The following CELSR1 variants were observed in gnomAD, a reference collection of about 807,000 sequenced individuals.
The protein encoded by CELSR1 is adhesion G protein-coupled receptor C1.
A neutral mutation model predicts 249.1 loss-of-function variants in CELSR1; 110 were observed. The ratio of observed to expected loss-of-function variants is 0.44; its 90% CI spans 0.38 to 0.52. The LOEUF is 0.52. CELSR1 is among the 20% of genes least tolerant of loss of function. CELSR1 has a pLI of 0.00. For missense variants in CELSR1, 4,109 were observed against 4,296.4 expected (o/e 0.96, Z 1.22); for synonymous variants, 2,113 against 1,900.0 (o/e 1.11, Z -2.92).
intron 5 of CELSR1, among the ~76,000 whole-genome samples, chr22:46,426,147 GGAGGGGGCT>G (rs2079535494): frequency 6.6e-6 from 1 of 152,258 alleles, no homozygotes; most frequent in African/African-American, 2.4e-5. Flanking sequence ...GCGCAGCCGG[GGAGGGGGCT>G]GAGTGAAGCT....
Position 46,378,706 on chromosome 22 carries a change from G to A in CELSR1, c.7268C>T (p.Thr2423Met), listed in dbSNP as rs551678757. ...GCAGCCCCGGGCAGACCACCCTCCCGTCCCACCAACGCTGCGGAGAGGACA... is the reference window on the plus strand; with the variant it reads ...GCAGCCCCGGGCAGACCACCCTCCCATCCCACCAACGCTGCGGAGAGGACA... ...FWNHSLAVGG[T>M]GGWSARGCEL... The change falls in exon 23 of 35, where the codon ACG (threonine) becomes ATG (methionine). Residue 2423 changes from threonine (T) to methionine (M), a missense_variant. Transcript: ENST00000674500. The A allele has an allele frequency of 1.1e-5, 18 of 1,612,572 alleles. No homozygotes were observed. The highest frequency in any genetic ancestry group is 8.0e-5 in the African/African-American group (6 of 75,046).
At chr22:46,477,026 C>T (rs774042666) in intron 1 of CELSR1, among the ~76,000 whole-genome samples, 2 of 152,068 alleles carry the variant, frequency 1.3e-5, no homozygotes, top group Non-Finnish European at 2.9e-5. Context: ...AAGGAGAAAG[C>T]GATTCTAAAG....
intron 19 of CELSR1, 87 bp from the exon 20 acceptor site, chr22:46,384,773 T>C: frequency 1.5e-6 from 2 of 1,367,604 alleles, no homozygotes; most frequent in Non-Finnish European, 2.0e-6. Flanking sequence ...ACTGTCACAC[T>C]GACGCTGGCT....
chr22:46,389,820 G>A (rs1051068675), intron 17 of CELSR1, among the ~76,000 whole-genome samples: 3 of 152,058 alleles, frequency 2.0e-5, no homozygotes, highest in African/African-American at 7.2e-5. Context: ...AGGGTGTGGT[G>A]GTGGGCACCT....
Position 46,407,694 on chromosome 22 carries a change from T to C in CELSR1, c.5226+1302A>G, listed in dbSNP as rs148246478. ...GATGAAGGAAGGAATAACTCAGTTA[T>C]GAATCTGTCAAATCAAGACAGAGCG... On this transcript the variant is annotated intron_variant, in intron 9 of 34. Coordinates refer to ENST00000674500, the MANE Select transcript of CELSR1 (RefSeq NM_001378328.1). The surrounding 1 kb of genome is among the most constrained non-coding windows in gnomAD (Gnocchi z 4.8). Among the ~76,000 whole-genome samples, 187 of 152,152 alleles carry C rather than the reference T, an allele frequency of 1.2e-3. 1 individual carries two copies. The highest frequency in any genetic ancestry group is 4.3e-3 in the African/African-American group (179 of 41,512).
rs368033776 is a variant in CELSR1, at chr22:46,408,982, G to A, written c.5226+14C>T. 33 of 1,591,962 alleles carry A rather than the reference G, an allele frequency of 2.1e-5. No individual in the cohort carries two copies. The highest frequency in any genetic ancestry group is 2.7e-5 in the African/African-American group (2 of 74,034). The stretch of plus-strand genomic sequence containing the variant: ...CACCTAGCAGGTGCCTTGGTGGCAC[G>A]GGGCCCCAGTCACCTGGAGGCGAAA... On this transcript the variant is annotated intron_variant, in intron 9 of 34. Coordinates refer to ENST00000674500, the MANE Select transcript of CELSR1 (RefSeq NM_001378328.1). The surrounding 1 kb of genome is among the most constrained non-coding windows in gnomAD (Gnocchi z 4.6).
At chr22:46,388,788 A>G (rs2079057681) in intron 18 of CELSR1, among the ~76,000 whole-genome samples, 1 of 152,100 alleles carries the variant, frequency 6.6e-6, no homozygotes, top group African/African-American at 2.4e-5. Flanking sequence ...ACACACAGCC[A>G]GAGGGTTGAG....
intron 1 of CELSR1, among the ~76,000 whole-genome samples, chr22:46,515,971 G>T (rs950878767): frequency 6.6e-6 from 1 of 152,232 alleles, no homozygotes; most frequent in East Asian, 1.9e-4. Context: ...GTACTGGAGA[G>T]AATGTGGAGA....
In CELSR1 at chr22:46,396,488, T is replaced by C. The variant is rs551370138; in HGVS notation, c.5843+117A>G. The C allele has an allele frequency of 1.2e-4, 127 of 1,102,524 alleles. No homozygotes were observed. In the African/African-American group the frequency reaches 1.9e-3, roughly 16 times the overall value. 68.3% of individuals were successfully genotyped at this position (1,102,524 alleles called of 1,614,324 possible). ...GCCAAATTAAAAAAAAATATGTCCC[T>C]GTTACCCAGAATCACACATATCTTT... On this transcript the variant is annotated intron_variant, in intron 13 of 34. Transcript: ENST00000674500. This position sits in a 1 kb window ranked among gnomAD's most constrained non-coding sequence, Gnocchi z 6.4.
At position 46,535,485 on chromosome 22, in the gene CELSR1, C is replaced by T. The variant is rs765104429; in HGVS notation, c.1686G>A (p.Glu562=). 28 of 1,611,886 alleles carry T rather than the reference C, an allele frequency of 1.7e-5. No individual in the cohort carries two copies. The highest frequency in any genetic ancestry group is 1.8e-5 in the Non-Finnish European group (21 of 1,179,446). ...GGAAGGGGCTGCTCACAAAGATAGGCTCGTTGTCGTTGACATCCAGCACCT... is the reference window on the plus strand; with the variant it reads ...GGAAGGGGCTGCTCACAAAGATAGGTTCGTTGTCGTTGACATCCAGCACCT... ...SVQVLDVNDN[E]PIFVSSPFQA... Residue 562 remains glutamate (E), a synonymous_variant, in exon 1 of 35, where the codon GAG becomes GAA. Coordinates refer to ENST00000674500, the MANE Select transcript of CELSR1 (RefSeq NM_001378328.1).
rs761007560 is a variant in CELSR1 at position 46,439,284 on chromosome 22, C to T, written c.4311G>A (p.Arg1437=). 1.9e-6 allele frequency: 3 copies of T among 1,614,074 alleles called. No homozygotes were observed. Among genetic ancestry groups the T allele is most frequent in the South Asian group, 1.1e-5 (1 of 91,076 alleles). The change falls in exon 3 of 35, where the codon AGG becomes AGA. Residue 1437 remains arginine, a synonymous_variant. Coordinates refer to ENST00000674500, the MANE Select transcript of CELSR1 (RefSeq NM_001378328.1). ...TCCTGGTGGTCACCTCACAGTAGGG[C>T]CTCTCATACTCGCCAGGAGGACACA... ...HCVCPPGEYE[R]PYCEVTTRSF... is the part of the protein sequence containing the mutation.
Position 46,398,459 on chromosome 22 carries a change from G to A in CELSR1, c.5526+65C>T. 8.5e-7 allele frequency: 1 copy of A among 1,182,874 alleles called. No individual in the cohort carries two copies. Among genetic ancestry groups the A allele is most frequent in the South Asian group, 1.4e-5 (1 of 71,142 alleles). 73.3% of individuals were successfully genotyped at this position (1,182,874 alleles called of 1,614,324 possible). A position where few individuals can be genotyped will look rare whatever the true frequency, so the allele number is the denominator to read the frequency against. ...GTTGACCAACGGAACCACCTATGGT[G>A]CTGCCAGCCTCGGAGCTGCCTGTGA... On this transcript the variant is annotated intron_variant, in intron 11 of 34. Transcript: ENST00000674500. The surrounding 1 kb of genome is among the most constrained non-coding windows in gnomAD (Gnocchi z 7.2).
Position 46,534,392 on chromosome 22 carries a change from G to A in CELSR1, c.2779C>T (p.Leu927=). 1 of 1,612,888 alleles carries A rather than the reference G, an allele frequency of 6.2e-7. No homozygotes were observed. The highest frequency in any genetic ancestry group is 8.5e-7 in the Non-Finnish European group (1 of 1,180,036). Residue 927 remains leucine (L), a synonymous_variant, in exon 1 of 35, where the codon CTG becomes TTG. Transcript: ENST00000674500. This position sits in a 1 kb window ranked among gnomAD's most constrained non-coding sequence, Gnocchi z 9.7. ...TCCCCACCCTGGAAGGTGTACAGCA[G>A]ACGCCCATTGGGACCTGAGTCCCGG... ...TDRDSGPNGR[L]LYTFQGGDDG...
At chr22:46,467,379 G>A (rs926121851) in intron 1 of CELSR1, among the ~76,000 whole-genome samples, 1 of 152,070 alleles carries the variant, frequency 6.6e-6, no homozygotes, top group South Asian at 2.1e-4. Context: ...AATTAGAGAA[G>A]CCACACAATG....
intron 2 of CELSR1, among the ~76,000 whole-genome samples, chr22:46,444,655 T>C (rs1396360750): frequency 6.6e-6 from 1 of 152,244 alleles, no homozygotes; most frequent in Non-Finnish European, 1.5e-5. Context: ...GCTGTATGTG[T>C]TTCCCGTGGC....
At position 46,412,471 on chromosome 22, in the gene CELSR1, G is replaced by T. The variant is rs2079349588; in HGVS notation, c.4612-712C>A. On this transcript the variant is annotated intron_variant, in intron 5 of 34. Coordinates refer to ENST00000674500, the MANE Select transcript of CELSR1 (RefSeq NM_001378328.1). The surrounding 1 kb of genome is among the most constrained non-coding windows in gnomAD (Gnocchi z 4.5). ...ACAGACACCAGGAGGCCACTGCCCG[G>T]CCTGCAGACGGCCCCACATCTCCCC... 6.6e-6 allele frequency among the ~76,000 whole-genome samples: 1 copy of T among 152,180 alleles called. No homozygotes were observed. Among genetic ancestry groups the T allele is most frequent in the African/African-American group, 2.4e-5 (1 of 41,440 alleles).
chr22:46,376,067 G>A (rs569245468), intron 24 of CELSR1, among the ~76,000 whole-genome samples: 6 of 152,308 alleles, frequency 3.9e-5, no homozygotes, highest in Admixed American at 6.5e-5. Context: ...GTTATTTATT[G>A]CAACTGCAGG....
In CELSR1 at chr22:46,408,761, T is replaced by C. The variant is rs2079295787; in HGVS notation, c.5226+235A>G. ...GCTAGAGGGAGACCAGAACTGCCGC[T>C]GAGCTCTGCTGGGCCCCAGGGTTGG... is the stretch of plus-strand genomic sequence containing the variant. On this transcript the variant is annotated intron_variant, in intron 9 of 34. Coordinates refer to ENST00000674500, the MANE Select transcript of CELSR1 (RefSeq NM_001378328.1). The surrounding 1 kb of genome is among the most constrained non-coding windows in gnomAD (Gnocchi z 4.6). Among the ~76,000 whole-genome samples, 1 of 152,224 alleles carries C rather than the reference T, an allele frequency of 6.6e-6. No individual in the cohort carries two copies. The highest frequency in any genetic ancestry group is 1.5e-5 in the Non-Finnish European group (1 of 68,020).
At chr22:46,470,335 C>T (rs982288872) in intron 1 of CELSR1, among the ~76,000 whole-genome samples, 5 of 151,720 alleles carry the variant, frequency 3.3e-5, no homozygotes, top group African/African-American at 4.8e-5. Flanking sequence ...TAGTGAGAAG[C>T]CCAGGCCTTC....
Sources: allele counts gnomAD v4.1 joint callset (sites outside exome capture counted in the v4.1 genomes callset), GRCh38; gene constraint gnomAD v4.1.1; non-coding constraint Gnocchi (gnomAD v3.1); transcripts MANE v1.5; gene names NCBI Gene and HGNC (gene_info 2026-07-23, HGNC 2026-07-21).